The following CNTN5 variants were observed in gnomAD, a reference collection of about 807,000 sequenced individuals.
CNTN5 encodes contactin-5.
CNTN5 carries 77 observed loss-of-function variants against 129.1 expected under a neutral mutation model. The observed-to-expected ratio is 0.60, with a 90% CI of 0.50 to 0.72. CNTN5 has a LOEUF of 0.72. Ranked by LOEUF, CNTN5 falls within the 30% of genes least tolerant of loss-of-function variation. CNTN5 has a pLI of 0.00. For synonymous variants in CNTN5, 509 were observed against 465.6 expected (o/e 1.09, Z -1.20); for missense variants, 1,478 against 1,328.8 (o/e 1.11, Z -1.75).
At chr11:99,491,277 G>A (rs557957023) in intron 2 of CNTN5, among the ~76,000 whole-genome samples, 1 of 152,162 alleles carries the variant, frequency 6.6e-6, no homozygotes, top group South Asian at 2.1e-4. Flanking sequence ...AATTCCCTGG[G>A]TTCCAGTCTT....
At chr11:99,191,025 CTAATGTTTAAGGGTGTTTATCA>C (rs758559146) in intron 1 of CNTN5, among the ~76,000 whole-genome samples, 112 of 151,658 alleles carry the variant, frequency 7.4e-4, no homozygotes, top group Middle Eastern at 3.4e-3. Flanking sequence ...CCTTCTAAAT[CTAATGTTTAAGGGTGTTTATCA>C]TAAAAGGATG....
intron 2 of CNTN5, among the ~76,000 whole-genome samples, chr11:99,443,441 C>G (rs1393987269): frequency 6.6e-6 from 1 of 152,170 alleles, no homozygotes; most frequent in Non-Finnish European, 1.5e-5. Flanking sequence ...AGCCTGTGTA[C>G]ATTTTCATGG....
At chr11:99,048,496 G>A (rs570049824) in intron 1 of CNTN5, among the ~76,000 whole-genome samples, 2 of 152,180 alleles carry the variant, frequency 1.3e-5, no homozygotes, top group African/African-American at 4.8e-5. Context: ...ATATTACCCA[G>A]TATCTTCATT....
chr11:100,199,313 C>CCTAT (rs1392728525), intron 15 of CNTN5, among the ~76,000 whole-genome samples: 23 of 151,802 alleles, frequency 1.5e-4, no homozygotes, highest in African/African-American at 5.3e-4. Context: ...CTACCCTTTC[C>CCTAT]CTATCTCACT....
At chr11:99,051,719 G>T (rs553987090) in intron 1 of CNTN5, among the ~76,000 whole-genome samples, 22 of 151,914 alleles carry the variant, frequency 1.4e-4, no homozygotes, top group Admixed American at 8.6e-4. Flanking sequence ...AAATGATTAG[G>T]TATCAGTCAA....
intron 13 of CNTN5, among the ~76,000 whole-genome samples, chr11:100,112,606 A>G (rs1347608625): frequency 6.6e-6 from 1 of 152,144 alleles, no homozygotes; most frequent in Admixed American, 6.6e-5. Context: ...GCATGGCATT[A>G]TGAAACATAG....
At chr11:99,887,236 G>A (rs578131945) in intron 6 of CNTN5, among the ~76,000 whole-genome samples, 25 of 152,244 alleles carry the variant, frequency 1.6e-4, no homozygotes, top group African/African-American at 5.5e-4. Flanking sequence ...GATTTCCACC[G>A]TGGTTTTGAC....
chr11:100,057,222 G>A (rs1332025000), intron 9 of CNTN5, among the ~76,000 whole-genome samples: 2 of 147,508 alleles, frequency 1.4e-5, no homozygotes, highest in African/African-American at 4.9e-5. Flanking sequence ...TATATATAAA[G>A]TATAAGTATA....
chr11:99,074,721 T>G (rs1439191250), intron 1 of CNTN5, among the ~76,000 whole-genome samples: 3 of 152,180 alleles, frequency 2.0e-5, no homozygotes, highest in Non-Finnish European at 2.9e-5. Flanking sequence ...TGGTGTATAT[T>G]TTAGAGTAAT....
chr11:100,263,794 T>G (rs1384365403), intron 17 of CNTN5, among the ~76,000 whole-genome samples: 2 of 152,164 alleles, frequency 1.3e-5, no homozygotes, highest in African/African-American at 2.4e-5. Flanking sequence ...CCTTCAGATC[T>G]GGTGTTGTGC....
chr11:100,287,919 C>A (rs1950835869), intron 18 of CNTN5, among the ~76,000 whole-genome samples: 1 of 151,984 alleles, frequency 6.6e-6, no homozygotes. Flanking sequence ...GAAGATCTAC[C>A]AAGCAAATGG....
At chr11:99,844,826 A>T in intron 4 of CNTN5, 26 bp from the exon 5 acceptor site, 1 of 1,585,146 alleles carries the variant, frequency 6.3e-7, no homozygotes, top group Non-Finnish European at 8.6e-7. Flanking sequence ...AAGGAAATTT[A>T]AAATGTGTCT....
At chr11:99,139,107 C>A (rs1057462948) in intron 1 of CNTN5, among the ~76,000 whole-genome samples, 1 of 100,618 alleles carries the variant, frequency 9.9e-6, no homozygotes, top group Non-Finnish European at 2.0e-5. Flanking sequence ...CCCCACCCCC[C>A]CCCCCCAAAA....
At chr11:99,801,990 G>A (rs771366408) in intron 3 of CNTN5, among the ~76,000 whole-genome samples, 6 of 152,126 alleles carry the variant, frequency 3.9e-5, no homozygotes, top group Non-Finnish European at 8.8e-5. Context: ...CTTCTCATCT[G>A]GAGATACTGG....
At chr11:99,427,389 A>G (rs764366621) in intron 2 of CNTN5, among the ~76,000 whole-genome samples, 2 of 152,178 alleles carry the variant, frequency 1.3e-5, no homozygotes, top group African/African-American at 4.8e-5. Context: ...TGAAGGAAAG[A>G]GTTATTATCT....
chr11:99,085,049 AT>A (rs201796837), intron 1 of CNTN5, among the ~76,000 whole-genome samples: 149 of 146,778 alleles, frequency 1.0e-3, no homozygotes, highest in South Asian at 1.7e-3. Flanking sequence ...CTAGTAACCA[AT>A]TTTTTTTTTT....
At chr11:100,189,277 A>G (rs117148122) in intron 13 of CNTN5, among the ~76,000 whole-genome samples, 2,879 of 151,998 alleles carry the variant, frequency 0.019, 49 homozygotes, top group Non-Finnish European at 0.03. Context: ...AAAAAAAAAA[A>G]AAAAAACCTT....
intron 1 of CNTN5, among the ~76,000 whole-genome samples, chr11:99,218,687 T>C (rs1044765276): frequency 6.6e-6 from 1 of 152,180 alleles, no homozygotes; most frequent in Non-Finnish European, 1.5e-5. Flanking sequence ...TATTTTACTC[T>C]TCTGTAGTAC....
chr11:99,509,411 A>G lies in CNTN5; in HGVS notation c.-70-46734A>G, dbSNP rs955993992. The stretch of plus-strand genomic sequence containing the variant: ...GAGGAAATTAAGATTAATTTAATAC[A>G]AATCTCTGTGCACATTCAAAATAGA... On this transcript the variant is annotated intron_variant, in intron 2 of 24. Transcript: ENST00000524871. Among the ~76,000 whole-genome samples the G allele has an allele frequency of 5.9e-5, 9 of 152,348 alleles. No individual in the cohort carries two copies. In the South Asian group the frequency reaches 1.9e-3, roughly 32 times the overall value.
Sources: allele counts gnomAD v4.1 joint callset (sites outside exome capture counted in the v4.1 genomes callset), GRCh38; gene constraint gnomAD v4.1.1; transcripts MANE v1.5; gene names NCBI Gene and HGNC (gene_info 2026-07-23, HGNC 2026-07-21).